The following FARSB variants were observed in gnomAD, a reference collection of about 807,000 sequenced individuals.
FARSB encodes the protein phenylalanine--tRNA ligase beta subunit.
Under a neutral mutation model 69.6 loss-of-function variants are expected in FARSB, and 40 were observed. That is an observed-to-expected ratio of 0.57 (90% CI 0.45 to 0.75). FARSB has a LOEUF of 0.75. Ranked by LOEUF, FARSB falls within the 30% of genes least tolerant of loss-of-function variation. The pLI, the probability that FARSB is intolerant of heterozygous loss-of-function variation, is 0.00. For synonymous variants in FARSB, 235 were observed against 247.2 expected (o/e 0.95, Z 0.46); for missense variants, 632 against 722.9 (o/e 0.87, Z 1.44).
intron 1 of FARSB, among the ~76,000 whole-genome samples, chr2:222,653,272 G>A (rs980694314): frequency 7.9e-5 from 12 of 152,142 alleles, no homozygotes; most frequent in African/African-American, 2.4e-4. Flanking sequence ...AAATATCCTT[G>A]CTAAGCAAAG....
At chr2:222,643,579 A>G (rs1260485526) in intron 2 of FARSB, among the ~76,000 whole-genome samples, 1 of 152,184 alleles carries the variant, frequency 6.6e-6, no homozygotes, top group Non-Finnish European at 1.5e-5. Flanking sequence ...AAGAAACACA[A>G]CTTCTTATAG....
intron 15 of FARSB, among the ~76,000 whole-genome samples, chr2:222,610,072 C>T (rs1442083033): frequency 6.6e-6 from 1 of 152,192 alleles, no homozygotes; most frequent in Non-Finnish European, 1.5e-5. Context: ...AGGTTTGTCT[C>T]CCTTAAGACT....
At chr2:222,578,909 G>A (rs1314200787) in intron 16 of FARSB, among the ~76,000 whole-genome samples, 1 of 152,200 alleles carries the variant, frequency 6.6e-6, no homozygotes, top group Admixed American at 6.5e-5. Context: ...TTGAACTCGG[G>A]AGGGGGAGGT....
chr2:222,618,326 C>A (rs947537606), intron 14 of FARSB, among the ~76,000 whole-genome samples: 2 of 152,108 alleles, frequency 1.3e-5, no homozygotes, highest in African/African-American at 4.8e-5. Context: ...TTAGAACTAA[C>A]CCAGTCCCTT....
At chr2:222,622,977 T>C (rs1691177955) in intron 13 of FARSB, among the ~76,000 whole-genome samples, 1 of 152,184 alleles carries the variant, frequency 6.6e-6, no homozygotes, top group Admixed American at 6.5e-5. Flanking sequence ...TAGGGCTAAG[T>C]TGCAGGGGAG....
At position 222,570,587 on chromosome 2, in the gene FARSB, A is replaced by C. The variant is rs1361405632; in HGVS notation, c.*1284T>G. On this transcript the variant is annotated 3_prime_UTR_variant, in exon 17 of 17. Transcript: ENST00000281828. The stretch of plus-strand genomic sequence containing the variant: ...CACCCAGGCTGGAGGGCAGTGGCAC[A>C]ATCTGGGATCACTGCAACGTCCACC... 2 of 152,042 alleles carry C rather than the reference A, an allele frequency of 1.3e-5. No homozygotes were observed. The highest frequency in any genetic ancestry group is 1.3e-4 in the Admixed American group (2 of 15,262). 9.4% of individuals were successfully genotyped at this position (152,042 alleles called of 1,614,324 possible). A position where few individuals can be genotyped will look rare whatever the true frequency, so the allele number is the denominator to read the frequency against.
At chr2:222,580,884 T>C (rs1390617525) in intron 16 of FARSB, among the ~76,000 whole-genome samples, 1 of 152,114 alleles carries the variant, frequency 6.6e-6, no homozygotes, top group Admixed American at 6.5e-5. Context: ...AGGGTTCTGG[T>C]TCTTGGAAGG....
At chr2:222,624,605 A>T in intron 11 of FARSB, 109 bp downstream of exon 11, 3 of 920,204 alleles carry the variant, frequency 3.3e-6, no homozygotes, top group Non-Finnish European at 5.1e-6. Flanking sequence ...GAAACCAGAT[A>T]TCTTAACTGA....
In FARSB at chr2:222,642,071, G is replaced by A. The variant is rs1298889609; in HGVS notation, c.269+780C>T. 7.4e-5 allele frequency among the ~76,000 whole-genome samples: 11 copies of A among 148,948 alleles called. No individual in the cohort carries two copies. In the East Asian group the frequency reaches 1.2e-3, roughly 16 times the overall value. ...GCTGGAGTGCAGTGGTGCAAATCTC[G>A]ACTCACTGCAACCTCCACCTCCCAG... On this transcript the variant is annotated intron_variant, in intron 3 of 16. Coordinates refer to ENST00000281828, the MANE Select transcript of FARSB (RefSeq NM_005687.5).
chr2:222,598,846 T>C (rs999050743), intron 16 of FARSB, among the ~76,000 whole-genome samples: 5 of 151,886 alleles, frequency 3.3e-5, no homozygotes, highest in African/African-American at 1.2e-4. Context: ...TTCTAACATC[T>C]AGAACTCCAC....
In FARSB at chr2:222,571,971, C is replaced by T; in HGVS notation, c.1670G>A (p.Ser557Asn). 6.2e-7 allele frequency: 1 copy of T among 1,614,002 alleles called. No individual in the cohort carries two copies. Among genetic ancestry groups the T allele is most frequent in the Non-Finnish European group, 8.5e-7 (1 of 1,179,970 alleles). Reference sequence around the variant, plus strand: ...ATGAAGGACCCCAAGCTTCCCGACGCTTTGACCCCTGGCAAAGATCTCTGC... The same window carrying T: ...ATGAAGGACCCCAAGCTTCCCGACGTTTTGACCCCTGGCAAAGATCTCTGC... ...RCAEIFARGQ[S>N]VGKLGVLHPD... Residue 557 changes from serine to asparagine, a missense_variant, in exon 17 of 17, where the codon AGC (serine) becomes AAC (asparagine). By Grantham distance (46) the Ser-to-Asn change is conservative. Transcript: ENST00000281828.
At chr2:222,621,469 C>G (rs1440321810) in intron 13 of FARSB, among the ~76,000 whole-genome samples, 1 of 152,112 alleles carries the variant, frequency 6.6e-6, no homozygotes, top group African/African-American at 2.4e-5. Context: ...GTGATCCGCC[C>G]GCCTCGGCCT....
chr2:222,620,482 A>T (rs1354215668), intron 13 of FARSB, among the ~76,000 whole-genome samples: 1 of 152,216 alleles, frequency 6.6e-6, no homozygotes, highest in Non-Finnish European at 1.5e-5. Flanking sequence ...GATGCTTGCC[A>T]CCCTCAGAAA....
chr2:222,606,111 A>C (rs1690698326), intron 15 of FARSB, among the ~76,000 whole-genome samples: 1 of 152,160 alleles, frequency 6.6e-6, no homozygotes, highest in Non-Finnish European at 1.5e-5. Flanking sequence ...TAATTAGATT[A>C]ACCTCATTAT....
At position 222,624,282 on chromosome 2, in the gene FARSB, A is replaced by T; in HGVS notation, c.1160T>A (p.Ile387Lys). The T allele has an allele frequency of 6.3e-7, 1 of 1,599,926 alleles. No homozygotes were observed. The highest frequency in any genetic ancestry group is 8.6e-7 in the Non-Finnish European group (1 of 1,168,284). ...AGGGTGCAATCTTACTTGATTAGCT[A>T]TGGTGTAAGTTTTCGGGAGAGTCAT... ...IQMTLPKTYT[I>K]ANQFPLNKLT... Residue 387 changes from isoleucine (I) to lysine (K), a missense_variant, in exon 12 of 17, where the codon ATA (isoleucine) becomes AAA (lysine). Coordinates refer to ENST00000281828, the MANE Select transcript of FARSB (RefSeq NM_005687.5).
intron 2 of FARSB, 85 bp downstream of exon 2, chr2:222,648,655 G>A (rs1024447192): frequency 1.2e-4 from 104 of 873,598 alleles, no homozygotes; most frequent in Middle Eastern, 1.1e-3. Context: ...TAACTATAAG[G>A]TAACAAAGAT....
intron 16 of FARSB, among the ~76,000 whole-genome samples, chr2:222,572,444 C>T (rs535294549): frequency 5.9e-4 from 90 of 152,276 alleles, no homozygotes; most frequent in African/African-American, 1.9e-3. Flanking sequence ...TCCATAGCAA[C>T]GCTCACTGGA....
At chr2:222,614,257 AT>A (rs1410093001) in intron 14 of FARSB, among the ~76,000 whole-genome samples, 2 of 152,078 alleles carry the variant, frequency 1.3e-5, no homozygotes, top group Admixed American at 6.6e-5. Context: ...TCATTATTTT[AT>A]TTTTTCTTTT....
chr2:222,585,372 C>T (rs1035807722), intron 16 of FARSB, among the ~76,000 whole-genome samples: 2 of 152,162 alleles, frequency 1.3e-5, no homozygotes, highest in Non-Finnish European at 2.9e-5. Context: ...TGTAGGTCAC[C>T]ATCATCAAAG....
Sources: allele counts gnomAD v4.1 joint callset (sites outside exome capture counted in the v4.1 genomes callset), GRCh38; gene constraint gnomAD v4.1.1; transcripts MANE v1.5; gene names NCBI Gene and HGNC (gene_info 2026-07-23, HGNC 2026-07-21).